BAHCC1: variants seen among roughly 807,000 people sequenced by gnomAD.
BAHCC1 encodes BAH and coiled-coil domain-containing protein 1.
BAHCC1 carries 43 observed loss-of-function variants against 88.2 expected under a neutral mutation model. That is an observed-to-expected ratio of 0.49 (90% CI 0.38 to 0.63). The LOEUF (loss-of-function observed/expected upper bound fraction) is 0.63. Ranked by LOEUF, BAHCC1 falls within the 20% of genes least tolerant of loss-of-function variation. The pLI is 0.00. For missense variants in BAHCC1, 3,023 were observed against 1,654.8 expected (o/e 1.83, Z -14.34); for synonymous variants, 1,510 against 745.5 (o/e 2.03, Z -16.71).
intron 3 of BAHCC1, among the ~76,000 whole-genome samples, chr17:81,431,387 G>T (rs1389698249): frequency 6.6e-6 from 1 of 152,208 alleles, no homozygotes; most frequent in African/African-American, 2.4e-5. Flanking sequence ...AGTGCTGCCA[G>T]TCACTGTTGA....
In BAHCC1 at chr17:81,446,976, C is replaced by T. The variant is rs868985407; in HGVS notation, c.3164-60C>T. The T allele has an allele frequency of 4.8e-5, 37 of 769,426 alleles. No individual in the cohort carries two copies. In the Middle Eastern group the frequency reaches 2.5e-3, roughly 52 times the overall value. 47.7% of individuals were successfully genotyped at this position (769,426 alleles called of 1,614,324 possible). ...TCGAGGCCACTGTCCTCCGTCCTAT[C>T]GCAGGACACCCCCTCACCACCACTC... On this transcript the variant is annotated intron_variant, in intron 10 of 27. Coordinates refer to ENST00000675386, the MANE Select transcript of BAHCC1 (RefSeq NM_001377448.1).
At chr17:81,460,173 C>T (rs1166362090) in intron 23 of BAHCC1, 104 bp from the exon 24 acceptor site, 6 of 666,536 alleles carry the variant, frequency 9.0e-6, no homozygotes, top group African/African-American at 1.8e-5. Flanking sequence ...AGCAGAACCC[C>T]AGAGCCCTCC....
chr17:81,417,423 A>G (rs369056104), intron 2 of BAHCC1, among the ~76,000 whole-genome samples: 286 of 152,044 alleles, frequency 1.9e-3, no homozygotes, highest in African/African-American at 6.4e-3. Flanking sequence ...AGAAGGTGTG[A>G]AGAATTGGAG....
chr17:81,456,469 G>T lies in BAHCC1; in HGVS notation c.4742G>T (p.Arg1581Leu). Residue 1581 changes from arginine to leucine, a missense_variant, in exon 16 of 28, where the codon CGA becomes CTA. Coordinates refer to ENST00000675386, the MANE Select transcript of BAHCC1 (RefSeq NM_001377448.1). ...GGGCGCATCCGGGAGAAGCTGTCCCGAGCCAAGAGTGCCAAGGTGTCTGGG... is the reference window on the plus strand; with the variant it reads ...GGGCGCATCCGGGAGAAGCTGTCCCTAGCCAAGAGTGCCAAGGTGTCTGGG... ...PGGRIREKLS[R>L]AKSAKVSGAT... The T allele has an allele frequency of 1.4e-6, 1 of 721,538 alleles. No individual in the cohort carries two copies. The highest frequency in any genetic ancestry group is 1.7e-5 in the African/African-American group (1 of 57,574). The allele number at this position is 721,538 out of a possible 1,614,324, so 44.7% of individuals were successfully genotyped here.
chr17:81,411,707 C>A lies in BAHCC1; in HGVS notation c.178+11790C>A. 3.2e-6 allele frequency: 1 copy of A among 314,284 alleles called. No homozygotes were observed. Among genetic ancestry groups the A allele is most frequent in the Non-Finnish European group, 6.3e-6 (1 of 159,616 alleles). The allele number at this position is 314,284 out of a possible 1,614,324, so 19.5% of individuals were successfully genotyped here. A position where few individuals can be genotyped will look rare whatever the true frequency, so the allele number is the denominator to read the frequency against. On this transcript the variant is annotated intron_variant, in intron 2 of 27. Transcript: ENST00000675386. The surrounding 1 kb of genome is among the most constrained non-coding windows in gnomAD (Gnocchi z 6.2). The stretch of plus-strand genomic sequence containing the variant: ...CAGCTCCCCTTCCACTCTGCCCAGC[C>A]CACCCTGCCAGGGAGGCCTCAGCAT...
At chr17:81,412,872 G>A (rs1555648039) in intron 2 of BAHCC1, among the ~76,000 whole-genome samples, 1 of 152,240 alleles carries the variant, frequency 6.6e-6, no homozygotes, top group East Asian at 1.9e-4. Flanking sequence ...CAGCTGTGGG[G>A]AGTCCCCTCC....
Position 81,460,915 on chromosome 17 carries a change from C to A in BAHCC1, c.6252C>A (p.Ser2084=). Residue 2084 remains serine, a synonymous_variant, in exon 26 of 28, where the codon TCC becomes TCA. Transcript: ENST00000675386. ...GTGCCAAATCCCCCACGGGGGCCTC[C>A]GACCACTTCCTGGGCCGCCGTGGCA... ...TSGAKSPTGA[S]DHFLGRRGSP... is the part of the protein sequence containing the mutation. 1 of 768,362 alleles carries A rather than the reference C, an allele frequency of 1.3e-6. No homozygotes were observed. Among genetic ancestry groups the A allele is most frequent in the Non-Finnish European group, 2.4e-6 (1 of 417,892 alleles). 47.6% of individuals were successfully genotyped at this position (768,362 alleles called of 1,614,324 possible).
At chr17:81,410,162 G>C in intron 2 of BAHCC1, 1 of 246,080 alleles carries the variant, frequency 4.1e-6, no homozygotes, top group East Asian at 1.5e-4. Context: ...CGTGTCACCT[G>C]TGGGGGTCCT....
intron 1 of BAHCC1, among the ~76,000 whole-genome samples, chr17:81,397,690 C>T (rs1267616967): frequency 6.6e-6 from 1 of 152,200 alleles, no homozygotes; most frequent in Non-Finnish European, 1.5e-5. Context: ...CCAGAGCACT[C>T]TCCGGGCCCT....
intron 11 of BAHCC1, among the ~76,000 whole-genome samples, chr17:81,449,588 G>A (rs1289762014): frequency 2.6e-5 from 4 of 152,154 alleles, no homozygotes; most frequent in Non-Finnish European, 5.9e-5. Context: ...CTGGCCAACT[G>A]CAGTGACCCC....
intron 3 of BAHCC1, among the ~76,000 whole-genome samples, chr17:81,437,033 C>T (rs972559159): frequency 5.9e-5 from 9 of 152,222 alleles, no homozygotes; most frequent in Middle Eastern, 3.2e-3. Context: ...CAGAGAGGAT[C>T]GAACAGTGCC....
chr17:81,462,418 GC>G (rs2030380286), intron 26 of BAHCC1: 1 of 492,982 alleles, frequency 2.0e-6, no homozygotes, highest in South Asian at 3.0e-5. Context: ...GCTCGGGGGC[GC>G]ATGTGGGGCC....
At position 81,462,001 on chromosome 17, in the gene BAHCC1, C is replaced by G; in HGVS notation, c.7338C>G (p.Phe2446Leu). ...AAAACCGGCCAAAGATCTCAGCCTT[C>G]CTGCCCGCCCGGCAGCTCTGGAAGT... ...SVENRPKISA[F>L]LPARQLWKWS... Residue 2446 changes from phenylalanine (F) to leucine (L), a missense_variant, in exon 26 of 28, where the codon TTC becomes TTG. Phe to Leu is a conservative substitution (Grantham distance 22). Transcript: ENST00000675386. 1 of 778,130 alleles carries G rather than the reference C, an allele frequency of 1.3e-6. No individual in the cohort carries two copies. The highest frequency in any genetic ancestry group is 2.4e-6 in the Non-Finnish European group (1 of 417,390). 48.2% of individuals were successfully genotyped at this position (778,130 alleles called of 1,614,324 possible). A position where few individuals can be genotyped will look rare whatever the true frequency, so the allele number is the denominator to read the frequency against.
intron 2 of BAHCC1, chr17:81,400,599 TGGCGCGGGGC>T (rs1462322440): frequency 1.3e-5 from 2 of 152,102 alleles, no homozygotes; most frequent in Non-Finnish European, 2.9e-5. Flanking sequence ...GGGCTGGGGG[TGGCGCGGGGC>T]GGCGCTCAGG....
chr17:81,403,750 C>T (rs528477217), intron 2 of BAHCC1, among the ~76,000 whole-genome samples: 187 of 152,330 alleles, frequency 1.2e-3, no homozygotes, highest in Non-Finnish European at 2.3e-3. Flanking sequence ...ACCCGTCCCG[C>T]TCCATAAGTG....
chr17:81,440,208 G>A (rs565500958), intron 4 of BAHCC1, among the ~76,000 whole-genome samples: 40 of 152,280 alleles, frequency 2.6e-4, no homozygotes, highest in African/African-American at 7.0e-4. Context: ...GCCCCAGCGC[G>A]TGCAGTTATT....
chr17:81,420,367 C>T (rs553892567), intron 2 of BAHCC1, among the ~76,000 whole-genome samples: 120 of 152,298 alleles, frequency 7.9e-4, no homozygotes, highest in Non-Finnish European at 1.3e-3. Flanking sequence ...GGGCCAGGCT[C>T]ACTGGGCACC....
At chr17:81,432,696 C>G (rs1467184978) in intron 3 of BAHCC1, among the ~76,000 whole-genome samples, 2 of 39,472 alleles carry the variant, frequency 5.1e-5, no homozygotes, top group Admixed American at 4.8e-4. Flanking sequence ...CACCCTCCCC[C>G]GCATCCCCAG....
intron 3 of BAHCC1, among the ~76,000 whole-genome samples, chr17:81,431,687 C>T (rs1296490832): frequency 6.6e-6 from 1 of 152,216 alleles, no homozygotes; most frequent in African/African-American, 2.4e-5. Flanking sequence ...CCTGCCTCCC[C>T]CTGGCAATGC....
Sources: allele counts gnomAD v4.1 joint callset (sites outside exome capture counted in the v4.1 genomes callset), GRCh38; gene constraint gnomAD v4.1.1; non-coding constraint Gnocchi (gnomAD v3.1); transcripts MANE v1.5; gene names NCBI Gene and HGNC (gene_info 2026-07-23, HGNC 2026-07-21).